The following TSC22D2 variants were observed in gnomAD, a reference collection of about 807,000 sequenced individuals.
TSC22D2 encodes the protein TSC22 domain family member 2.
Under a neutral mutation model 50.1 loss-of-function variants are expected in TSC22D2, and 5 were observed. The ratio of observed to expected loss-of-function variants is 0.10; its 90% CI spans 0.05 to 0.21. TSC22D2 has a LOEUF of 0.21. Ranked by LOEUF, TSC22D2 falls within the 10% of genes least tolerant of loss-of-function variation. TSC22D2 has a pLI of 1.00. For synonymous variants in TSC22D2, 501 were observed against 450.1 expected (o/e 1.11, Z -1.43); for missense variants, 1,003 against 1,015.5 (o/e 0.99, Z 0.17).
intron 1 of TSC22D2, among the ~76,000 whole-genome samples, chr3:150,447,164 A>C (rs897460351): frequency 6.6e-6 from 1 of 152,220 alleles, no homozygotes; most frequent in Admixed American, 6.5e-5. Flanking sequence ...CTAAACAAGA[A>C]TGACTTTAAT....
Position 150,409,554 on chromosome 3 carries a change from C to G in TSC22D2, c.204C>G (p.Ser68=), listed in dbSNP as rs539836261. The G allele has an allele frequency of 1.9e-6, 3 of 1,602,950 alleles. No homozygotes were observed. The highest frequency in any genetic ancestry group is 2.2e-5 in the East Asian group (1 of 44,464). The change falls in exon 1 of 3, where the codon TCC becomes TCG. Residue 68 remains serine (S), a synonymous_variant. Coordinates refer to ENST00000688009, the MANE Select transcript of TSC22D2 (RefSeq NM_001303264.2). The surrounding 1 kb of genome is among the most constrained non-coding windows in gnomAD (Gnocchi z 7.4). ...AGGAGGTCTGCGAGCGCAGCTCTTC[C>G]GAAGAGACGCTTAACAATGTTGGGG... The part of the protein sequence containing the change: ...GPEEVCERSS[S]EETLNNVGDA...
At chr3:150,458,303 A>C (rs1721258976) in intron 2 of TSC22D2, 73 bp from the exon 3 acceptor site, 1 of 1,483,208 alleles carries the variant, frequency 6.7e-7, no homozygotes, top group African/African-American at 1.4e-5. Flanking sequence ...ACTTAGCACC[A>C]AGTAGGCCAG....
intron 1 of TSC22D2, among the ~76,000 whole-genome samples, chr3:150,442,767 C>A (rs1197338527): frequency 6.6e-6 from 1 of 152,060 alleles, no homozygotes; most frequent in Non-Finnish European, 1.5e-5. Flanking sequence ...AGTTTAGGAG[C>A]AGCTTGAGTA....
intron 1 of TSC22D2, among the ~76,000 whole-genome samples, chr3:150,427,671 A>T (rs1049690315): frequency 6.6e-6 from 1 of 152,030 alleles, no homozygotes; most frequent in African/African-American, 2.4e-5. Context: ...TTATATTTCA[A>T]CCTGTTCCAC....
chr3:150,431,056 C>A (rs1351338233), intron 1 of TSC22D2, among the ~76,000 whole-genome samples: 7 of 151,692 alleles, frequency 4.6e-5, no homozygotes, highest in African/African-American at 1.7e-4. Flanking sequence ...GAAACCCCAT[C>A]TCTACTAAAA....
intron 1 of TSC22D2, among the ~76,000 whole-genome samples, chr3:150,451,979 C>T (rs1336414497): frequency 6.6e-6 from 1 of 152,118 alleles, no homozygotes; most frequent in Non-Finnish European, 1.5e-5. Context: ...CACACAGCCT[C>T]CTGAGTAACT....
At chr3:150,412,538 T>C (rs1719630842) in intron 1 of TSC22D2, among the ~76,000 whole-genome samples, 1 of 152,240 alleles carries the variant, frequency 6.6e-6, no homozygotes, top group African/African-American at 2.4e-5. Flanking sequence ...TTCTGTTGGT[T>C]TGAAAAATAC....
Position 150,461,382 on chromosome 3 carries a change from T to A in TSC22D2, c.*2746T>A, listed in dbSNP as rs1721394854. On this transcript the variant is annotated 3_prime_UTR_variant, in exon 3 of 3. Coordinates refer to ENST00000688009, the MANE Select transcript of TSC22D2 (RefSeq NM_001303264.2). The stretch of plus-strand genomic sequence containing the variant: ...CAAATAGTTGTAAATATTAACTGAT[T>A]GAGATCCCAATTTGGAGGCACAGTC... The A allele has an allele frequency of 6.6e-6, 1 of 152,206 alleles. No individual in the cohort carries two copies. The highest frequency in any genetic ancestry group is 1.5e-5 in the Non-Finnish European group (1 of 68,026). 9.4% of individuals were successfully genotyped at this position (152,206 alleles called of 1,614,324 possible).
Position 150,410,693 on chromosome 3 carries a change from A to G in TSC22D2, c.1343A>G (p.Gln448Arg), listed in dbSNP as rs768579073. 2 of 1,568,324 alleles carry G rather than the reference A, an allele frequency of 1.3e-6. No individual in the cohort carries two copies. Among genetic ancestry groups the G allele is most frequent in the African/African-American group, 2.7e-5 (2 of 73,862 alleles). Residue 448 changes from glutamine to arginine, a missense_variant, in exon 1 of 3, where the codon CAG (glutamine) becomes CGG (arginine). Coordinates refer to ENST00000688009, the MANE Select transcript of TSC22D2 (RefSeq NM_001303264.2). ...CGGACGGGACCAGCGCAAGGCGGGC[A>G]GGTCGCGCCTTGTCAGCCGACTGGA... ...APRTGPAQGG[Q>R]VAPCQPTGVP...
intron 1 of TSC22D2, among the ~76,000 whole-genome samples, chr3:150,444,690 T>C (rs1465809259): frequency 6.6e-6 from 1 of 152,212 alleles, no homozygotes; most frequent in East Asian, 1.9e-4. Context: ...ATGTCTAAAT[T>C]ATTAGAATTA....
intron 1 of TSC22D2, among the ~76,000 whole-genome samples, chr3:150,454,332 A>G (rs529464289): frequency 2.8e-4 from 42 of 152,362 alleles, no homozygotes; most frequent in Admixed American, 8.5e-4. Flanking sequence ...GTATAAGACC[A>G]TAACACAATA....
At chr3:150,420,156 G>A (rs572283878) in intron 1 of TSC22D2, among the ~76,000 whole-genome samples, 1 of 152,192 alleles carries the variant, frequency 6.6e-6, no homozygotes, top group South Asian at 2.1e-4. Flanking sequence ...TTCCAAAATA[G>A]AAGTCTCTCT....
intron 1 of TSC22D2, among the ~76,000 whole-genome samples, chr3:150,445,055 TTTGAA>T (rs1177596638): frequency 6.6e-6 from 1 of 152,106 alleles, no homozygotes; most frequent in African/African-American, 2.4e-5. Flanking sequence ...GAAATTTTTA[TTTGAA>T]TTAAATTAGT....
chr3:150,459,388 A>G lies in TSC22D2; in HGVS notation c.*752A>G, dbSNP rs570850350. The G allele has an allele frequency of 6.5e-6, 1 of 152,706 alleles. No individual in the cohort carries two copies. The highest frequency in any genetic ancestry group is 2.1e-4 in the South Asian group (1 of 4,830). 9.5% of individuals were successfully genotyped at this position (152,706 alleles called of 1,614,324 possible). A position where few individuals can be genotyped will look rare whatever the true frequency, so the allele number is the denominator to read the frequency against. On this transcript the variant is annotated 3_prime_UTR_variant, in exon 3 of 3. Coordinates refer to ENST00000688009, the MANE Select transcript of TSC22D2 (RefSeq NM_001303264.2). ...TTGTGATATGATAAATAATTGGGCT[A>G]TTTTGATGAAGAAAACTTTGTTCAT...
chr3:150,457,994 C>G (rs540531941), intron 2 of TSC22D2, among the ~76,000 whole-genome samples: 8 of 152,156 alleles, frequency 5.3e-5, no homozygotes, highest in Non-Finnish European at 8.8e-5. Flanking sequence ...TTACAGATCA[C>G]TTTAAAGCAG....
Position 150,461,042 on chromosome 3 carries a change from T to A in TSC22D2, c.*2406T>A, listed in dbSNP as rs1266420913. The A allele has an allele frequency of 6.6e-6, 1 of 152,200 alleles. No homozygotes were observed. The highest frequency in any genetic ancestry group is 2.4e-5 in the African/African-American group (1 of 41,462). 9.4% of individuals were successfully genotyped at this position (152,200 alleles called of 1,614,324 possible). On this transcript the variant is annotated 3_prime_UTR_variant, in exon 3 of 3. Coordinates refer to ENST00000688009, the MANE Select transcript of TSC22D2 (RefSeq NM_001303264.2). ...ATGCAAATTAATGTTTTTGGCGAAT[T>A]GTAATAAGTGTCCTAAGTAGCAGGA... is the stretch of plus-strand genomic sequence containing the variant.
chr3:150,411,195 T>C lies in TSC22D2; in HGVS notation c.1845T>C (p.Val615=). ...PLSLIAENKP[V]VKPPVADSLA... ...CTCTCATTGCTGAAAATAAGCCTGT[T>C]GTGAAGCCGCCTGTTGCAGATTCCC... is the stretch of plus-strand genomic sequence containing the variant. The change falls in exon 1 of 3, where the codon GTT becomes GTC. Residue 615 remains valine, a synonymous_variant. Transcript: ENST00000688009. The C allele has an allele frequency of 6.2e-7, 1 of 1,614,228 alleles. No homozygotes were observed. The highest frequency in any genetic ancestry group is 1.1e-5 in the South Asian group (1 of 91,090).
intron 1 of TSC22D2, among the ~76,000 whole-genome samples, chr3:150,412,206 C>T (rs1378424603): frequency 6.6e-6 from 1 of 151,860 alleles, no homozygotes; most frequent in African/African-American, 2.4e-5. Flanking sequence ...GAGGAGATGT[C>T]ACATGTAAAT....
intron 1 of TSC22D2, among the ~76,000 whole-genome samples, chr3:150,429,875 A>G (rs1720326237): frequency 6.6e-6 from 1 of 152,142 alleles, no homozygotes; most frequent in African/African-American, 2.4e-5. Context: ...TTTTCCAACC[A>G]AAAGATTCTA....
Sources: gnomAD v4.1 joint callset for allele counts (sites outside exome capture counted in the v4.1 genomes callset) on GRCh38, gnomAD v4.1.1 for gene constraint, Gnocchi (gnomAD v3.1) non-coding constraint, MANE v1.5 for transcripts, NCBI Gene and HGNC (gene_info 2026-07-23, HGNC 2026-07-21) for gene names.